Variants in ARFGEF1 observed in about 807,000 individuals in gnomAD.
ARFGEF1 encodes the protein brefeldin A-inhibited guanine nucleotide-exchange protein 1.
In ARFGEF1, 42 loss-of-function variants were observed where a neutral mutation model predicts 231.0. The ratio of observed to expected loss-of-function variants is 0.18; its 90% CI spans 0.14 to 0.24. The LOEUF is 0.24. ARFGEF1 is among the 10% of genes least tolerant of loss of function. ARFGEF1 has a pLI of 1.00. For synonymous variants in ARFGEF1, 710 were observed against 732.3 expected (o/e 0.97, Z 0.49); for missense variants, 1,345 against 2,192.0 (o/e 0.61, Z 7.72).
chr8:67,292,007 C>A lies in ARFGEF1; in HGVS notation c.756G>T (p.Gln252His), dbSNP rs1406939161. 12 of 1,613,828 alleles carry A rather than the reference C, an allele frequency of 7.4e-6. No individual in the cohort carries two copies. The highest frequency in any genetic ancestry group is 1.0e-5 in the Non-Finnish European group (12 of 1,179,924). The change falls in exon 6 of 39, where the codon CAG (glutamine) becomes CAT (histidine). Residue 252 changes from glutamine to histidine, a missense_variant. Around this residue, in one of 14 missense-constraint regions of ARFGEF1, gnomAD observed 398 missense variants for 463.2 expected, o/e 0.86. Transcript: ENST00000262215. ...ESPQLRYLPP[Q>H]TVDHISQEHE... ...GTTCTTGGGATATATGATCAACAGT[C>A]TGAGGTGGCAAATATCTAAGTTGAG...
chr8:67,317,039 C>T (rs1406718209), intron 1 of ARFGEF1, among the ~76,000 whole-genome samples: 3 of 152,068 alleles, frequency 2.0e-5, no homozygotes, highest in Admixed American at 2.0e-4. Context: ...TAATAACACC[C>T]CAACAAAAAC....
rs576375536 is a variant in ARFGEF1, at chr8:67,255,094, T to A, written c.2527-1472A>T. ...TGCCAATCAGAGGCAGAGAAAAGTCTTGACAGAAAATCTGAAGTAGCAGTT... is the reference window on the plus strand; with the variant it reads ...TGCCAATCAGAGGCAGAGAAAAGTCATGACAGAAAATCTGAAGTAGCAGTT... On this transcript the variant is annotated intron_variant, in intron 17 of 38. Coordinates refer to ENST00000262215, the MANE Select transcript of ARFGEF1 (RefSeq NM_006421.5). Among the ~76,000 whole-genome samples, 4 of 152,332 alleles carry A rather than the reference T, an allele frequency of 2.6e-5. No individual in the cohort carries two copies. In the South Asian group the frequency reaches 8.3e-4, roughly 32 times the overall value.
At chr8:67,223,693 C>A (rs914880725) in intron 29 of ARFGEF1, among the ~76,000 whole-genome samples, 1 of 152,066 alleles carries the variant, frequency 6.6e-6, no homozygotes, top group Admixed American at 6.6e-5. Flanking sequence ...TGCCAAGCAA[C>A]AGAAGGCTAA....
At chr8:67,311,605 A>G (rs1184100546) in intron 1 of ARFGEF1, among the ~76,000 whole-genome samples, 2 of 120,894 alleles carry the variant, frequency 1.7e-5, no homozygotes, top group African/African-American at 6.4e-5. Flanking sequence ...CTCGTCCGGG[A>G]GGGAGGTGGG....
chr8:67,255,692 C>G (rs1466985142), intron 17 of ARFGEF1, among the ~76,000 whole-genome samples: 2 of 152,222 alleles, frequency 1.3e-5, no homozygotes, highest in South Asian at 2.1e-4. Context: ...CATAGAAACT[C>G]ACAAGCTGTT....
At chr8:67,291,809 T>C in intron 6 of ARFGEF1, 38 bp downstream of exon 6, 7 of 1,598,046 alleles carry the variant, frequency 4.4e-6, no homozygotes, top group Non-Finnish European at 6.0e-6. Context: ...CACATTTCCC[T>C]TAACACACAC....
intron 5 of ARFGEF1, among the ~76,000 whole-genome samples, chr8:67,187,683 C>CA (rs1563789950): frequency 1.3e-5 from 2 of 151,976 alleles, no homozygotes; most frequent in African/African-American, 4.8e-5. Context: ...GACCTTGTCT[C>CA]AAAAAAAGAA....
intron 17 of ARFGEF1, among the ~76,000 whole-genome samples, chr8:67,255,425 A>T (rs1004640995): frequency 9.2e-5 from 14 of 151,730 alleles, no homozygotes; most frequent in Non-Finnish European, 1.2e-4. Flanking sequence ...TATGCCTAAA[A>T]TTTTTTTTTA....
chr8:67,225,994 A>C, intron 28 of ARFGEF1, 29 bp downstream of exon 28: 1 of 1,555,622 alleles, frequency 6.4e-7, no homozygotes, highest in Non-Finnish European at 8.7e-7. Flanking sequence ...AATACTCTGC[A>C]AAATTTTGTT....
intron 14 of ARFGEF1, among the ~76,000 whole-genome samples, chr8:67,262,729 ACT>A (rs2128891897): frequency 6.6e-6 from 1 of 152,310 alleles, no homozygotes; most frequent in African/African-American, 2.4e-5. Context: ...CAGGTAAGAC[ACT>A]CTACAGCAAA....
At chr8:67,261,906 A>G (rs1804638381) in intron 14 of ARFGEF1, among the ~76,000 whole-genome samples, 1 of 148,784 alleles carries the variant, frequency 6.7e-6, no homozygotes, top group Non-Finnish European at 1.5e-5. Flanking sequence ...TCCTGGTCTC[A>G]GGCCTCATGA....
rs146925514 is a variant in ARFGEF1 at position 67,234,454 on chromosome 8, CTA to C, written c.3290-1511_3290-1510del. Among the ~76,000 whole-genome samples the C allele has an allele frequency of 9.0e-4, 137 of 152,066 alleles. 1 individual carries two copies. The highest frequency in any genetic ancestry group is 3.2e-3 in the African/African-American group (134 of 41,480). Reference sequence around the variant, plus strand: ...ATTCAACCTGGACCTAGAAGGGTAACTATGTAGAAAAGGAAGGAGAAAGAAAA... The same window carrying C: ...ATTCAACCTGGACCTAGAAGGGTAACTGTAGAAAAGGAAGGAGAAAGAAAA... On this transcript the variant is annotated intron_variant, in intron 22 of 38. Transcript: ENST00000262215.
chr8:67,253,691 G>C (rs937716489), intron 17 of ARFGEF1, 69 bp from the exon 18 acceptor site: 4 of 832,542 alleles, frequency 4.8e-6, no homozygotes, highest in Non-Finnish European at 6.7e-6. Context: ...TTAAGGATAT[G>C]AATATTTACA....
downstream of ARFGEF1, chr8:67,175,158 A>G (rs1345316713): frequency 3.0e-6 from 2 of 675,574 alleles, no homozygotes; most frequent in East Asian, 5.1e-5. Context: ...CTGTCCTTTG[A>G]CTTTAGTGAT....
At chr8:67,181,631 T>G (rs1269759446) in intron 5 of ARFGEF1, among the ~76,000 whole-genome samples, 1 of 152,234 alleles carries the variant, frequency 6.6e-6, no homozygotes, top group East Asian at 1.9e-4. Context: ...GTAAAGCTGA[T>G]GGTTTCAGTG....
chr8:67,292,227 A>T, intron 5 of ARFGEF1, 104 bp from the exon 6 acceptor site: 2 of 931,748 alleles, frequency 2.1e-6, no homozygotes, highest in Non-Finnish European at 3.2e-6. Context: ...CATTCTCTCT[A>T]CGCTTGGAAA....
chr8:67,337,830 C>G (rs1030692220), intron 1 of ARFGEF1, among the ~76,000 whole-genome samples: 2 of 152,134 alleles, frequency 1.3e-5, no homozygotes, highest in African/African-American at 4.8e-5. Context: ...TTACTATCAC[C>G]CTCACCCCAC....
chr8:67,271,151 A>G (rs986200774), intron 10 of ARFGEF1, among the ~76,000 whole-genome samples: 1 of 151,848 alleles, frequency 6.6e-6, no homozygotes, highest in Non-Finnish European at 1.5e-5. Flanking sequence ...ATATTTTAGG[A>G]CCACATGATT....
intron 1 of ARFGEF1, among the ~76,000 whole-genome samples, chr8:67,313,536 C>T (rs998830003): frequency 5.9e-5 from 9 of 152,168 alleles, no homozygotes; most frequent in Non-Finnish European, 1.0e-4. Flanking sequence ...AGCCGAACTG[C>T]AGTGATTGTT....
Sources: gnomAD v4.1 joint callset for allele counts (sites outside exome capture counted in the v4.1 genomes callset) on GRCh38, gnomAD v4.1.1 for gene constraint, gnomAD v4.1.1 regional missense constraint, MANE v1.5 for transcripts, NCBI Gene and HGNC (gene_info 2026-07-23, HGNC 2026-07-21) for gene names.